IMPG2: variants seen among roughly 807,000 people sequenced by gnomAD.
IMPG2 encodes the protein IPM 200.
A neutral mutation model predicts 129.2 loss-of-function variants in IMPG2; 91 were observed. That is an observed-to-expected ratio of 0.70 (90% CI 0.59 to 0.84). The LOEUF is 0.84. Among genes scored for constraint, IMPG2 ranks in the 40% least tolerant of loss-of-function variants. The probability of loss-of-function intolerance (pLI) is 0.00; values close to 1 mark genes in which losing one functional copy is unlikely to be tolerated. For missense variants in IMPG2, 1,430 were observed against 1,461.7 expected (o/e 0.98, Z 0.35); for synonymous variants, 510 against 517.7 (o/e 0.99, Z 0.20).
At chr3:101,303,923 T>G (rs1173548438) in intron 3 of IMPG2, among the ~76,000 whole-genome samples, 2 of 152,182 alleles carry the variant, frequency 1.3e-5, no homozygotes, top group Non-Finnish European at 2.9e-5. Flanking sequence ...CTTCTTTTTC[T>G]TTTTGTGGAC....
At chr3:101,297,082 T>G (rs1361080078) in intron 3 of IMPG2, among the ~76,000 whole-genome samples, 1 of 152,162 alleles carries the variant, frequency 6.6e-6, no homozygotes, top group Admixed American at 6.5e-5. Flanking sequence ...GCTAATTTTT[T>G]GTATTTTAGT....
intron 5 of IMPG2, among the ~76,000 whole-genome samples, chr3:101,276,088 G>A (rs1335055541): frequency 6.6e-6 from 1 of 152,144 alleles, no homozygotes; most frequent in African/African-American, 2.4e-5. Context: ...GAGGAGAAGT[G>A]GGTAAAGGTT....
At chr3:101,239,578 C>A (rs1706384013) in intron 14 of IMPG2, among the ~76,000 whole-genome samples, 1 of 152,038 alleles carries the variant, frequency 6.6e-6, no homozygotes, top group Non-Finnish European at 1.5e-5. Flanking sequence ...GCCTATATAC[C>A]CAAAGGATTA....
intron 2 of IMPG2, among the ~76,000 whole-genome samples, chr3:101,315,418 G>T (rs2058780036): frequency 6.6e-6 from 1 of 152,150 alleles, no homozygotes; most frequent in Non-Finnish European, 1.5e-5. Flanking sequence ...AACAACTACA[G>T]ACTGTCCACG....
At chr3:101,265,767 C>T (rs4683840) in intron 9 of IMPG2, among the ~76,000 whole-genome samples, 3,921 of 152,064 alleles carry the variant, frequency 0.026, 256 homozygotes, top group Admixed American at 0.15. Flanking sequence ...AAAGGTAACC[C>T]GCAGTACGAT....
chr3:101,257,418 C>T lies in IMPG2; in HGVS notation c.1153+111G>A, dbSNP rs1706622469. ...ATTCATATCAGGTTGGCTCCTGTCTCATAAAGTCTAGAGAATGGTCAGAAC... is the reference window on the plus strand; with the variant it reads ...ATTCATATCAGGTTGGCTCCTGTCTTATAAAGTCTAGAGAATGGTCAGAAC... On this transcript the variant is annotated intron_variant, in intron 10 of 18. Coordinates refer to ENST00000193391, the MANE Select transcript of IMPG2 (RefSeq NM_016247.4). 5 of 1,337,046 alleles carry T rather than the reference C, an allele frequency of 3.7e-6. No individual in the cohort carries two copies. The East Asian group carries it at 1.1e-4, about 31-fold the overall frequency. 82.8% of individuals were successfully genotyped at this position (1,337,046 alleles called of 1,614,324 possible).
At chr3:101,314,769 A>C (rs193188157) in intron 2 of IMPG2, among the ~76,000 whole-genome samples, 332 of 152,310 alleles carry the variant, frequency 2.2e-3, no homozygotes, top group Middle Eastern at 6.8e-3. Context: ...AAATCAGAAA[A>C]CATTCCTGAA....
intron 7 of IMPG2, among the ~76,000 whole-genome samples, chr3:101,272,633 G>C (rs1340473719): frequency 6.6e-6 from 1 of 152,162 alleles, no homozygotes; most frequent in Non-Finnish European, 1.5e-5. Flanking sequence ...CACTGGCCTG[G>C]CTGACATTTC....
intron 4 of IMPG2, among the ~76,000 whole-genome samples, chr3:101,289,047 T>C (rs1706977022): frequency 6.6e-6 from 1 of 152,202 alleles, no homozygotes; most frequent in South Asian, 2.1e-4. Context: ...GTTCATTTCC[T>C]CAAGAATGTT....
chr3:101,243,677 T>C lies in IMPG2; in HGVS notation c.2654A>G (p.Glu885Gly), dbSNP rs1055524282. The C allele has an allele frequency of 6.8e-6, 11 of 1,613,962 alleles. No homozygotes were observed. The highest frequency in any genetic ancestry group is 9.3e-6 in the Non-Finnish European group (11 of 1,180,016). The change falls in exon 13 of 19, where the codon GAA becomes GGA. Residue 885 changes from glutamate (E) to glycine (G), a missense_variant. By Grantham distance (98) the Glu-to-Gly change is moderately conservative. Coordinates refer to ENST00000193391, the MANE Select transcript of IMPG2 (RefSeq NM_016247.4). ...TEMVSVAWPT[E>G]GGDDLSYTQT... The stretch of plus-strand genomic sequence containing the variant: ...GGTATAACTCAAGTCATCTCCTCCT[T>C]CTGTGGGCCAAGCCACACTAACCAT...
chr3:101,234,681 A>G lies in IMPG2; in HGVS notation c.3023-1690T>C, dbSNP rs186583990. ...TTTTGTGACTTTGTAATCAGAAAAT[A>G]ATCTGATCCTTACCCAGCAGTGAGG... On this transcript the variant is annotated intron_variant, in intron 14 of 18. Transcript: ENST00000193391. Among the ~76,000 whole-genome samples, 896 of 152,294 alleles carry G rather than the reference A, an allele frequency of 5.9e-3. 10 individuals carry two copies. The highest frequency in any genetic ancestry group is 0.021 in the African/African-American group (867 of 41,550).
chr3:101,270,801 A>T (rs1706774857), intron 7 of IMPG2, among the ~76,000 whole-genome samples: 1 of 152,186 alleles, frequency 6.6e-6, no homozygotes, highest in Admixed American at 6.5e-5. Context: ...CTCAAAAAAA[A>T]TAATAATAAT....
chr3:101,256,815 T>C (rs1706615861), intron 10 of IMPG2, among the ~76,000 whole-genome samples: 1 of 152,078 alleles, frequency 6.6e-6, no homozygotes, highest in Admixed American at 6.6e-5. Context: ...AAAGAAATCA[T>C]GGAGAATAGA....
chr3:101,240,556 G>A (rs1215503801), intron 14 of IMPG2, among the ~76,000 whole-genome samples: 1 of 152,112 alleles, frequency 6.6e-6, no homozygotes, highest in African/African-American at 2.4e-5. Context: ...AAATACAGAG[G>A]CCAGGCAATA....
At chr3:101,284,566 A>T (rs1349080052) in intron 4 of IMPG2, among the ~76,000 whole-genome samples, 1 of 12,274 alleles carries the variant, frequency 8.1e-5, no homozygotes, top group Non-Finnish European at 3.1e-4. Flanking sequence ...TATGAACAAC[A>T]AAAAAAAACA....
rs545750448 is a variant in IMPG2, at chr3:101,272,591, C to G, written c.828+990G>C. On this transcript the variant is annotated intron_variant, in intron 7 of 18. Transcript: ENST00000193391. ...TCAAAGGACAGAGAAAACCAGACAG[C>G]CAGCCCAAGACACTCTTTGATGCCA... Among the ~76,000 whole-genome samples the G allele has an allele frequency of 1.5e-4, 23 of 152,306 alleles. No individual in the cohort carries two copies. In the East Asian group the frequency reaches 4.2e-3, roughly 28 times the overall value.
intron 9 of IMPG2, among the ~76,000 whole-genome samples, chr3:101,261,668 A>C (rs1167757918): frequency 6.6e-6 from 1 of 152,136 alleles, no homozygotes; most frequent in Admixed American, 6.6e-5. Flanking sequence ...GAACTCAAAT[A>C]AGTGCTTGAG....
intron 14 of IMPG2, among the ~76,000 whole-genome samples, chr3:101,240,779 C>T (rs1706399112): frequency 6.6e-6 from 1 of 152,130 alleles, no homozygotes; most frequent in South Asian, 2.1e-4. Context: ...TTAGTGAAAC[C>T]ATTTTCTTCA....
Position 101,287,725 on chromosome 3 carries a change from T to C in IMPG2, c.533+3754A>G, listed in dbSNP as rs556022398. Among the ~76,000 whole-genome samples, 4 of 152,254 alleles carry C rather than the reference T, an allele frequency of 2.6e-5. No individual in the cohort carries two copies. In the East Asian group the frequency reaches 5.8e-4, roughly 22 times the overall value. ...AAAACTGGAACCCTACCTTTTATCA[T>C]ATACCAAAATTAACTAAAAATTGAT... On this transcript the variant is annotated intron_variant, in intron 4 of 18. Transcript: ENST00000193391.
Sources: gnomAD v4.1 joint callset for allele counts (sites outside exome capture counted in the v4.1 genomes callset) on GRCh38, gnomAD v4.1.1 for gene constraint, MANE v1.5 for transcripts, NCBI Gene and HGNC (gene_info 2026-07-23, HGNC 2026-07-21) for gene names.